The following ANK2 variants were observed in gnomAD, a reference collection of about 807,000 sequenced individuals.
ANK2 encodes ankyrin 2.
ANK2 carries 83 observed loss-of-function variants against 360.5 expected under a neutral mutation model. The ratio of observed to expected loss-of-function variants is 0.23; its 90% CI spans 0.19 to 0.28. The LOEUF (loss-of-function observed/expected upper bound fraction) is 0.28. Ranked by LOEUF, ANK2 falls within the 10% of genes least tolerant of loss-of-function variation. The probability of loss-of-function intolerance (pLI) is 1.00; values close to 1 mark genes in which losing one functional copy is unlikely to be tolerated. For synonymous variants in ANK2, 1,740 were observed against 1,759.5 expected, an observed-to-expected ratio of 0.99 and a Z score of 0.28; for missense variants, 4,201 against 4,795.7, an observed-to-expected ratio of 0.88 and a Z score of 3.66.
intron 28 of ANK2, among the ~76,000 whole-genome samples, 179 bp downstream of exon 28, chr4:113,332,249 T>C (rs2092640406): frequency 6.6e-6 from 1 of 152,202 alleles, no homozygotes; most frequent in African/African-American, 2.4e-5. Flanking sequence ...ACTTTTATTT[T>C]TGAGTGATGT....
chr4:113,272,810 C>G (rs1420306554), intron 14 of ANK2, among the ~76,000 whole-genome samples: 2 of 152,078 alleles, frequency 1.3e-5, no homozygotes, highest in Non-Finnish European at 2.9e-5. Flanking sequence ...GTGTCACTTG[C>G]AATACCCACC....
intron 1 of ANK2, among the ~76,000 whole-genome samples, chr4:112,854,624 A>C (rs1249673431): frequency 6.6e-6 from 1 of 152,208 alleles, no homozygotes; most frequent in Non-Finnish European, 1.5e-5. Context: ...TGAATGAGGA[A>C]GAGGTAGTAT....
At chr4:113,031,817 C>A (rs1305411791) in intron 2 of ANK2, among the ~76,000 whole-genome samples, 1 of 151,994 alleles carries the variant, frequency 6.6e-6, no homozygotes, top group Non-Finnish European at 1.5e-5. Context: ...AAAACAGAGA[C>A]ATTCTTAATA....
intron 26 of ANK2, among the ~76,000 whole-genome samples, chr4:113,326,087 C>G (rs1207817421): frequency 6.6e-6 from 1 of 152,200 alleles, no homozygotes; most frequent in Admixed American, 6.5e-5. Flanking sequence ...CGACTCACAC[C>G]TTCTAACCTT....
chr4:112,751,775 AG>A, the ANK2 span, among the ~76,000 whole-genome samples: 2 of 152,222 alleles, frequency 1.3e-5, no homozygotes, highest in South Asian at 4.1e-4. Flanking sequence ...AGCTGCATAA[AG>A]AATCCCAAAG....
chr4:113,023,337 T>C (rs2058579330), intron 2 of ANK2, among the ~76,000 whole-genome samples: 1 of 152,194 alleles, frequency 6.6e-6, no homozygotes, highest in Non-Finnish European at 1.5e-5. Flanking sequence ...TGTCCCTGCA[T>C]GGGCAGCCCC....
In ANK2 at chr4:112,920,402, G is replaced by A. The variant is rs1216441412; in HGVS notation, c.21+15888G>A. On this transcript the variant is annotated intron_variant, in intron 2 of 30. Coordinates refer to the ANK2 transcript ENST00000503271. Reference sequence around the variant, plus strand: ...TACTGCCTTCCTATAGCCAAATAAAGTGTGTTTTCTATCAAAAAACCAGTT... The same window carrying A: ...TACTGCCTTCCTATAGCCAAATAAAATGTGTTTTCTATCAAAAAACCAGTT... Among the ~76,000 whole-genome samples, 3 of 152,078 alleles carry A rather than the reference G, an allele frequency of 2.0e-5. No homozygotes were observed. In the East Asian group the frequency reaches 5.8e-4, roughly 29 times the overall value.
rs539027831 is a variant in ANK2 at position 112,885,867 on chromosome 4, C to A, written c.-39-18588C>A. Among the ~76,000 whole-genome samples, 428 of 147,462 alleles carry A rather than the reference C, an allele frequency of 2.9e-3. 1 individual carries two copies. The highest frequency in any genetic ancestry group is 4.9e-3 in the Non-Finnish European group (327 of 67,132). On this transcript the variant is annotated intron_variant, in intron 1 of 30. Transcript: ENST00000503271. The stretch of plus-strand genomic sequence containing the variant: ...ACCTTCCATTGACATTGATACTCAT[C>A]TATTCCTTACCAAGTTTTTCTCTGA...
At chr4:113,272,570 G>A (rs892554662) in intron 14 of ANK2, among the ~76,000 whole-genome samples, 21 of 151,928 alleles carry the variant, frequency 1.4e-4, no homozygotes, top group African/African-American at 4.4e-4. Context: ...CCACTTTCAG[G>A]TAAAGCTTTA....
chr4:112,841,803 A>G (rs751605841), intron 1 of ANK2, among the ~76,000 whole-genome samples: 20 of 152,204 alleles, frequency 1.3e-4, no homozygotes, highest in Non-Finnish European at 2.8e-4. Context: ...CCACAGGGCA[A>G]AGTTACTTCT....
At chr4:112,823,040 G>A (rs551858527) in intron 1 of ANK2, among the ~76,000 whole-genome samples, 8 of 152,168 alleles carry the variant, frequency 5.3e-5, no homozygotes, top group East Asian at 1.9e-4. Flanking sequence ...TAAGACTCCC[G>A]CGTTATTTGC....
At chr4:112,930,459 AAAAG>A (rs1434312960) in intron 2 of ANK2, among the ~76,000 whole-genome samples, 1 of 151,580 alleles carries the variant, frequency 6.6e-6, no homozygotes, top group Non-Finnish European at 1.5e-5. Flanking sequence ...AAAAAAAAAA[AAAAG>A]AAAAGAAAAT....
chr4:113,164,170 C>A (rs539140927), intron 1 of ANK2, among the ~76,000 whole-genome samples: 2 of 152,088 alleles, frequency 1.3e-5, no homozygotes, highest in African/African-American at 2.4e-5. Context: ...GAGGCCAAGG[C>A]GGGAGATATT....
intron 1 of ANK2, among the ~76,000 whole-genome samples, chr4:112,820,182 C>G (rs2056598325): frequency 6.6e-6 from 1 of 152,230 alleles, no homozygotes; most frequent in South Asian, 2.1e-4. Flanking sequence ...TGTTTAATGT[C>G]CTGTATCCTC....
rs145479665 is a variant in ANK2, at chr4:113,206,078, T to G, written c.384+6969T>G. Among the ~76,000 whole-genome samples, 1,173 of 152,314 alleles carry G rather than the reference T, an allele frequency of 7.7e-3. 18 individuals are homozygous for G. The highest frequency in any genetic ancestry group is 0.026 in the African/African-American group (1,094 of 41,554). On this transcript the variant is annotated intron_variant, in intron 4 of 45. Transcript: ENST00000357077. ...TATGCATATGGTTCTTTTTTCCTCT[T>G]TTTTAAAATTTAATTTAAATTTATT...
intron 2 of ANK2, among the ~76,000 whole-genome samples, chr4:113,176,024 G>A (rs910142448): frequency 6.6e-6 from 1 of 152,200 alleles, no homozygotes; most frequent in Non-Finnish European, 1.5e-5. Flanking sequence ...CTCGCAGTGA[G>A]CAACCTTGAG....
chr4:113,143,873 A>C (rs545588725), intron 1 of ANK2, among the ~76,000 whole-genome samples: 6 of 152,306 alleles, frequency 3.9e-5, no homozygotes, highest in African/African-American at 1.2e-4. Flanking sequence ...ATTTGATGAG[A>C]AACTACCATA....
At chr4:112,944,188 A>G (rs1043911965) in intron 2 of ANK2, among the ~76,000 whole-genome samples, 1 of 152,180 alleles carries the variant, frequency 6.6e-6, no homozygotes, top group East Asian at 1.9e-4. Flanking sequence ...GCATGCATCC[A>G]TTTATTATGG....
At chr4:113,094,232 C>T (rs1379719192) in intron 1 of ANK2, among the ~76,000 whole-genome samples, 3 of 152,028 alleles carry the variant, frequency 2.0e-5, no homozygotes, top group South Asian at 2.1e-4. Flanking sequence ...CATTGAAGTG[C>T]TTTGTGATGT....
Sources: gnomAD v4.1 joint callset for allele counts (sites outside exome capture counted in the v4.1 genomes callset) on GRCh38, gnomAD v4.1.1 for gene constraint, MANE v1.5 for transcripts, NCBI Gene and HGNC (gene_info 2026-07-23, HGNC 2026-07-21) for gene names.